The following HMCN2 variants were observed in gnomAD, a reference collection of about 807,000 sequenced individuals.
HMCN2 encodes hemicentin 2.
A neutral mutation model predicts 377.5 loss-of-function variants in HMCN2; 325 were observed. The observed-to-expected ratio is 0.86, with a 90% CI of 0.79 to 0.94. The LOEUF is 0.94. Among genes scored for constraint, HMCN2 ranks in the 40% least tolerant of loss-of-function variants. The pLI, the probability that HMCN2 is intolerant of heterozygous loss-of-function variation, is 0.00. For synonymous variants in HMCN2, 2,007 were observed against 2,046.8 expected (o/e 0.98, Z 0.53); for missense variants, 4,543 against 4,725.3 (o/e 0.96, Z 1.13).
intron 15 of HMCN2, among the ~76,000 whole-genome samples, chr9:130,314,616 G>A (rs1290554340): frequency 6.6e-6 from 1 of 152,156 alleles, no homozygotes; most frequent in South Asian, 2.1e-4. Context: ...ACCCCTCCCC[G>A]GGGTCCACTT....
Position 130,379,241 on chromosome 9 carries a change from C to T in HMCN2, c.8213-8C>T, listed in dbSNP as rs868156366. On this transcript the variant is annotated splice_region_variant and splice_polypyrimidine_tract_variant and intron_variant, in intron 53 of 97. Coordinates refer to ENST00000683500, the MANE Select transcript of HMCN2 (RefSeq NM_001291815.2). ...GTGCTTCCTAAGGGCTTTGTCTCCC[C>T]CACCCAGTGCCCCCCATGTTCCAGA... is the stretch of plus-strand genomic sequence containing the variant. The T allele has an allele frequency of 8.1e-6, 8 of 982,768 alleles. No individual in the cohort carries two copies. The South Asian group carries it at 1.4e-4, about 17-fold the overall frequency. 60.9% of individuals were successfully genotyped at this position (982,768 alleles called of 1,614,324 possible).
At chr9:130,374,852 A>G (rs1177585423) in intron 49 of HMCN2, among the ~76,000 whole-genome samples, 159 bp downstream of exon 49, 1 of 152,252 alleles carries the variant, frequency 6.6e-6, no homozygotes, top group African/African-American at 2.4e-5. Context: ...TATTGACGGA[A>G]CATTTATTAT....
chr9:130,433,626 G>A lies in HMCN2; in HGVS notation c.15173G>A (p.Arg5058His). The A allele has an allele frequency of 6.6e-7, 1 of 1,520,980 alleles. No individual in the cohort carries two copies. The highest frequency in any genetic ancestry group is 1.2e-5 in the South Asian group (1 of 81,718). The allele number at this position is 1,520,980 out of a possible 1,614,324, so 94.2% of individuals were successfully genotyped here. ...TRAGLYRLTV[R>H]AAAPRHQSVF... The stretch of plus-strand genomic sequence containing the variant: ...GCCGGCCTCTACCGGCTCACCGTGC[G>A]TGCTGCGGCACCGCGCCACCAAAGC... The change falls in exon 98 of 98, where the codon CGT (arginine) becomes CAT (histidine). Residue 5058 changes from arginine (R) to histidine (H), a missense_variant. Around this residue, in one of 5 missense-constraint regions of HMCN2, gnomAD observed 1,155 missense variants for 1,157.7 expected, o/e 1.00. Coordinates refer to ENST00000683500, the MANE Select transcript of HMCN2 (RefSeq NM_001291815.2).
intron 36 of HMCN2, 136 bp downstream of exon 36, chr9:130,358,622 G>C: frequency 1.3e-6 from 1 of 753,276 alleles, no homozygotes; most frequent in Non-Finnish European, 2.0e-6. Context: ...TTCAGAGGAA[G>C]TAGAAAGCCC....
rs971755613 is a variant in HMCN2, at chr9:130,312,605, T to C, written c.2350+2544T>C. On this transcript the variant is annotated intron_variant, in intron 15 of 97. Coordinates refer to ENST00000683500, the MANE Select transcript of HMCN2 (RefSeq NM_001291815.2). ...CTTTCTTTCTTTCTTTCTTTCTTTC[T>C]TTCTTTCTTTCTCTGTCTCTCTCTT... is the stretch of plus-strand genomic sequence containing the variant. Among the ~76,000 whole-genome samples, 61 of 120,006 alleles carry C rather than the reference T, an allele frequency of 5.1e-4. 1 individual carries two copies. Among genetic ancestry groups the C allele is most frequent in the African/African-American group, 1.9e-3 (60 of 31,276 alleles). 78.7% of individuals were successfully genotyped at this position (120,006 alleles called of 152,430 possible). A position where few individuals can be genotyped will look rare whatever the true frequency, so the allele number is the denominator to read the frequency against.
At chr9:130,287,132 T>G (rs1271438568) in intron 4 of HMCN2, among the ~76,000 whole-genome samples, 3 of 152,148 alleles carry the variant, frequency 2.0e-5, no homozygotes, top group Admixed American at 1.3e-4. Flanking sequence ...TTCCGGAGCC[T>G]ACACAAGTGG....
At chr9:130,285,089 G>T in intron 2 of HMCN2, 69 bp from the exon 3 acceptor site, 1 of 450,830 alleles carries the variant, frequency 2.2e-6, no homozygotes, top group Non-Finnish European at 4.7e-6. Context: ...AGTGGTTTTG[G>T]AGATGTCCCT....
chr9:130,413,412 A>G (rs1156978520), intron 85 of HMCN2, among the ~76,000 whole-genome samples: 2 of 152,150 alleles, frequency 1.3e-5, no homozygotes, highest in Non-Finnish European at 2.9e-5. Context: ...TCTCAGGCTG[A>G]GGAAGTTCCC....
intron 49 of HMCN2, 122 bp from the exon 50 acceptor site, chr9:130,375,441 C>G (rs1343828588): frequency 2.1e-6 from 1 of 477,548 alleles, no homozygotes; most frequent in African/African-American, 2.1e-5. Context: ...CTCAGTTTCC[C>G]ATCTCTGTAA....
At chr9:130,359,478 G>A (rs900543724) in intron 37 of HMCN2, 64 bp downstream of exon 37, 15 of 852,958 alleles carry the variant, frequency 1.8e-5, no homozygotes, top group African/African-American at 3.5e-5. Context: ...TGAGGCTGGC[G>A]AGTGACCCAG....
At position 130,341,291 on chromosome 9, in the gene HMCN2, A is replaced by C. The variant is rs1479516928; in HGVS notation, c.3668A>C (p.Asp1223Ala). 10 of 152,238 alleles carry C rather than the reference A, an allele frequency of 6.6e-5. No homozygotes were observed. Among genetic ancestry groups the C allele is most frequent in the African/African-American group, 2.2e-4 (9 of 41,434 alleles). 9.4% of individuals were successfully genotyped at this position (152,238 alleles called of 1,614,324 possible). Residue 1223 changes from aspartate (D) to alanine (A), a missense_variant, in exon 24 of 98, where the codon GAT becomes GCT. Physicochemically the swap from Asp to Ala is moderately radical, Grantham distance 126 (BLOSUM62 -2). Transcript: ENST00000683500. ...SVHFAAIRTS[D>A]AGRYRCEASN... ...CACTTCGCAGCCATCAGAACCTCTG[A>C]TGCCGGGAGGTACCGCTGTGAAGCC...
At chr9:130,299,556 C>T (rs1472412321) in intron 8 of HMCN2, among the ~76,000 whole-genome samples, 2 of 152,170 alleles carry the variant, frequency 1.3e-5, no homozygotes, top group African/African-American at 2.4e-5. Flanking sequence ...CCCATTCATT[C>T]ATGCACTGAC....
At chr9:130,363,135 G>A (rs1452601627) in intron 40 of HMCN2, 145 bp downstream of exon 40, 1 of 513,342 alleles carries the variant, frequency 1.9e-6, no homozygotes, top group Non-Finnish European at 2.5e-6. Context: ...GTAGGAATCA[G>A]TGAGATCCAG....
chr9:130,421,440 C>T (rs1257444308), intron 86 of HMCN2, among the ~76,000 whole-genome samples: 1 of 152,166 alleles, frequency 6.6e-6, no homozygotes, highest in African/African-American at 2.4e-5. Flanking sequence ...TGCTTTTCCT[C>T]CTTCCCCATC....
chr9:130,388,416 A>G lies in HMCN2; in HGVS notation c.9399A>G (p.Pro3133=). The change falls in exon 62 of 98, where the codon CCA becomes CCG. Residue 3133 remains proline (P), a synonymous_variant. Transcript: ENST00000683500. The part of the protein sequence containing the change: ...RTFTLTVQVP[P]TFENPKTETV... ...CTGGCTTTCTTCCTGCAGTGCCCCC[A>G]ACATTTGAGAACCCCAAGACAGAGA... 1 of 987,902 alleles carries G rather than the reference A, an allele frequency of 1.0e-6. No homozygotes were observed. The allele number at this position is 987,902 out of a possible 1,614,324, so 61.2% of individuals were successfully genotyped here.
chr9:130,267,323 C>A (rs1319018973), intron 1 of HMCN2, among the ~76,000 whole-genome samples: 1 of 151,568 alleles, frequency 6.6e-6, no homozygotes, highest in Non-Finnish European at 1.5e-5. Context: ...CTATGCCCAC[C>A]GAGAGCCTCT....
Position 130,303,978 on chromosome 9 carries a change from A to G in HMCN2, c.1543+370A>G, listed in dbSNP as rs1047329469. Among the ~76,000 whole-genome samples the G allele has an allele frequency of 6.6e-6, 1 of 152,240 alleles. No individual in the cohort carries two copies. Among genetic ancestry groups the G allele is most frequent in the Admixed American group, 6.5e-5 (1 of 15,290 alleles). On this transcript the variant is annotated intron_variant, in intron 10 of 97. Transcript: ENST00000683500. The surrounding 1 kb of genome is among the most constrained non-coding windows in gnomAD (Gnocchi z 5.2). ...CGCCATCGAGCTGGGGAGGTTGGAT[A>G]CACCACAGACTGTCTCCAAATGAAA... is the stretch of plus-strand genomic sequence containing the variant.
intron 73 of HMCN2, among the ~76,000 whole-genome samples, chr9:130,397,135 TGC>T (rs751033514): frequency 6.6e-6 from 1 of 152,206 alleles, no homozygotes; most frequent in Non-Finnish European, 1.5e-5. Flanking sequence ...TTATTGGACT[TGC>T]AGTTCCACAT....
intron 53 of HMCN2, among the ~76,000 whole-genome samples, chr9:130,378,718 GC>G (rs1841534830): frequency 1.3e-5 from 2 of 152,134 alleles, no homozygotes; most frequent in East Asian, 3.9e-4. Context: ...GCTCTGGGCT[GC>G]TCATACCCTT....
Sources: allele counts gnomAD v4.1 joint callset (sites outside exome capture counted in the v4.1 genomes callset), GRCh38; gene constraint gnomAD v4.1.1; regional missense constraint gnomAD v4.1.1; non-coding constraint Gnocchi (gnomAD v3.1); transcripts MANE v1.5; gene names NCBI Gene and HGNC (gene_info 2026-07-23, HGNC 2026-07-21).